ACTR3C: variants seen among roughly 807,000 people sequenced by gnomAD.
The protein encoded by ACTR3C is actin-related protein 3C.
Under a neutral mutation model 26.3 loss-of-function variants are expected in ACTR3C, and 18 were observed. The ratio of observed to expected loss-of-function variants is 0.68; its 90% CI spans 0.47 to 1.01. The LOEUF (loss-of-function observed/expected upper bound fraction) is 1.01, where lower values mean the gene tolerates loss of function less well. ACTR3C is among the 50% of genes least tolerant of loss of function. ACTR3C has a pLI of 0.00. For synonymous variants in ACTR3C, 55 were observed against 94.5 expected, an observed-to-expected ratio of 0.58 and a Z score of 2.42; for missense variants, 184 against 250.7, an observed-to-expected ratio of 0.73 and a Z score of 1.80.
the ACTR3C span, among the ~76,000 whole-genome samples, chr7:150,018,962 T>C: frequency 6.0e-5 from 9 of 150,526 alleles, 2 homozygotes; most frequent in African/African-American, 2.2e-4. Context: ...AGTCGTAATA[T>C]AAATTGAGAA....
chr7:149,897,185 C>G, the ACTR3C span, among the ~76,000 whole-genome samples: 1 of 151,954 alleles, frequency 6.6e-6, no homozygotes, highest in African/African-American at 2.4e-5. Flanking sequence ...ATAAGATGGC[C>G]AGACAAAGGA....
At chr7:149,987,924 A>G in the ACTR3C span, among the ~76,000 whole-genome samples, 4 of 152,254 alleles carry the variant, frequency 2.6e-5, no homozygotes, top group Admixed American at 2.6e-4. Context: ...TTTTTAAAAA[A>G]GAAAAAGAAC....
chr7:150,063,953 G>A, the ACTR3C span, among the ~76,000 whole-genome samples: 2 of 151,852 alleles, frequency 1.3e-5, no homozygotes, highest in African/African-American at 2.4e-5. Flanking sequence ...TACCAAAGCG[G>A]CAGTTTTGCT....
the ACTR3C span, among the ~76,000 whole-genome samples, chr7:149,902,428 T>G: frequency 4.2e-5 from 2 of 47,322 alleles, no homozygotes; most frequent in African/African-American, 2.1e-4. Flanking sequence ...GTACTTCATA[T>G]TTCATAGCCA....
At chr7:150,177,296 C>G in the ACTR3C span, among the ~76,000 whole-genome samples, 5 of 150,414 alleles carry the variant, frequency 3.3e-5, no homozygotes, top group African/African-American at 1.3e-4. Context: ...CGGATAATAT[C>G]CCTAGAAGTC....
the ACTR3C span, among the ~76,000 whole-genome samples, chr7:150,082,275 C>CA: frequency 1.3e-5 from 2 of 152,064 alleles, no homozygotes; most frequent in South Asian, 2.1e-4. Flanking sequence ...ACCAAATGGG[C>CA]AAAAAATGGT....
chr7:150,048,004 C>T, the ACTR3C span: 1 of 1,205,444 alleles, frequency 8.3e-7, no homozygotes, highest in Non-Finnish European at 1.0e-6. Flanking sequence ...GCGACCGCTC[C>T]TCCCGCGCGC....
At chr7:150,146,770 G>C in the ACTR3C span, among the ~76,000 whole-genome samples, 1 of 152,182 alleles carries the variant, frequency 6.6e-6, no homozygotes, top group South Asian at 2.1e-4. Flanking sequence ...GTTCAAGGTG[G>C]AGGGACCTGG....
At chr7:150,195,869 ACT>A in the ACTR3C span, among the ~76,000 whole-genome samples, 2 of 151,986 alleles carry the variant, frequency 1.3e-5, no homozygotes, top group African/African-American at 4.8e-5. Context: ...GCAGAGTGAG[ACT>A]CTGTCTCAAA....
At chr7:150,310,672 C>T (rs1424124073) in intron 1 of ACTR3C, among the ~76,000 whole-genome samples, 1 of 152,174 alleles carries the variant, frequency 6.6e-6, no homozygotes, top group Non-Finnish European at 1.5e-5. Context: ...CTGACCCTGA[C>T]ACCCACCAGT....
chr7:150,135,303 G>A, the ACTR3C span, among the ~76,000 whole-genome samples: 580 of 152,292 alleles, frequency 3.8e-3, 1 homozygote, highest in Non-Finnish European at 6.1e-3. Flanking sequence ...AAAATAAAAA[G>A]AATTAGTGCA....
the ACTR3C span, among the ~76,000 whole-genome samples, chr7:150,129,167 C>T: frequency 1.2e-4 from 18 of 151,798 alleles, no homozygotes; most frequent in Admixed American, 2.6e-4. Flanking sequence ...ATTCATAGAA[C>T]GCATGCAAGG....
At chr7:150,166,280 G>C in the ACTR3C span, among the ~76,000 whole-genome samples, 2 of 150,942 alleles carry the variant, frequency 1.3e-5, no homozygotes, top group African/African-American at 2.5e-5. Flanking sequence ...TTTGATACTT[G>C]CATGCAACGT....
chr7:150,039,994 C>T, the ACTR3C span, among the ~76,000 whole-genome samples: 3 of 140,086 alleles, frequency 2.1e-5, no homozygotes, highest in African/African-American at 5.2e-5. Flanking sequence ...TCCCCCACTG[C>T]GATAGTGGTC....
chr7:150,255,242 ATTTTTTTTTTT>A (rs745713614), intron 6 of ACTR3C, among the ~76,000 whole-genome samples: 2 of 85,600 alleles, frequency 2.3e-5, no homozygotes, highest in East Asian at 3.4e-4. Flanking sequence ...TTTGTAGGGG[ATTTTTTTTTTT>A]TTTTTTTTTT....
At chr7:150,150,843 T>C in the ACTR3C span, among the ~76,000 whole-genome samples, 1 of 136,574 alleles carries the variant, frequency 7.3e-6, no homozygotes, top group African/African-American at 2.5e-5. Flanking sequence ...CTGTTACAAA[T>C]AGGAGAGCAA....
At chr7:150,308,603 C>T (rs1796015299) in intron 1 of ACTR3C, among the ~76,000 whole-genome samples, 1 of 152,058 alleles carries the variant, frequency 6.6e-6, no homozygotes. Context: ...ACCTCAGAGT[C>T]TTCTGAATCC....
At chr7:150,190,780 TTTAA>T in the ACTR3C span, among the ~76,000 whole-genome samples, 4 of 151,988 alleles carry the variant, frequency 2.6e-5, no homozygotes, top group African/African-American at 9.7e-5. Flanking sequence ...AGAATAGAGG[TTTAA>T]TTGACTCCCA....
At chr7:149,922,066 A>G in the ACTR3C span, among the ~76,000 whole-genome samples, 1 of 143,552 alleles carries the variant, frequency 7.0e-6, no homozygotes, top group Non-Finnish European at 1.6e-5. Flanking sequence ...TTGCTCAGTA[A>G]CAACTCTTCG....
Sources: allele counts gnomAD v4.1 joint callset (sites outside exome capture counted in the v4.1 genomes callset), GRCh38; gene constraint gnomAD v4.1.1; transcripts MANE v1.5; gene names NCBI Gene and HGNC (gene_info 2026-07-23, HGNC 2026-07-21).